The following ZC3H12B variants were observed in gnomAD, a reference collection of about 807,000 sequenced individuals.
ZC3H12B encodes probable ribonuclease ZC3H12B.
A neutral mutation model predicts 43.9 loss-of-function variants in ZC3H12B; 7 were observed. The ratio of observed to expected loss-of-function variants is 0.16; its 90% CI spans 0.09 to 0.30. The LOEUF (loss-of-function observed/expected upper bound fraction) is 0.30, where lower values mean the gene tolerates loss of function less well. Among genes scored for constraint, ZC3H12B ranks in the 10% least tolerant of loss-of-function variants. The pLI, the probability that ZC3H12B is intolerant of heterozygous loss-of-function variation, is 1.00. For synonymous variants in ZC3H12B, 222 were observed against 241.7 expected (o/e 0.92, Z 0.76); for missense variants, 475 against 670.2 (o/e 0.71, Z 3.22).
the ZC3H12B span, among the ~76,000 whole-genome samples, chrX:65,212,278 TATA>T: frequency 2.2e-5 from 1 of 44,672 alleles, no homozygotes; most frequent in South Asian, 1.2e-3. Context: ...TAATATATAA[TATA>T]ATTATAATAT....
chrX:65,239,829 G>T, the ZC3H12B span, among the ~76,000 whole-genome samples: 1 of 111,733 alleles, frequency 8.9e-6, no homozygotes, highest in African/African-American at 3.2e-5. Context: ...TCTCTCACTT[G>T]TGAAGCTTAG....
upstream of ZC3H12B, among the ~76,000 whole-genome samples, chrX:65,486,548 A>G (rs2068126673): frequency 8.9e-6 from 1 of 112,597 alleles, no homozygotes; most frequent in Non-Finnish European, 1.9e-5. Flanking sequence ...AGGAAAGATC[A>G]CCAACATTTT....
the ZC3H12B span, among the ~76,000 whole-genome samples, chrX:65,314,892 CTT>C: frequency 1.8e-5 from 2 of 110,745 alleles, no homozygotes; most frequent in African/African-American, 3.3e-5. Context: ...GGTAACAAGA[CTT>C]TTATATTTTT....
chrX:65,050,755 A>G, the ZC3H12B span, among the ~76,000 whole-genome samples: 2 of 111,624 alleles, frequency 1.8e-5, no homozygotes, highest in Non-Finnish European at 3.8e-5. Context: ...GCCATCCTGG[A>G]TTCACAAGGA....
chrX:65,116,713 C>T, the ZC3H12B span, among the ~76,000 whole-genome samples: 4 of 109,728 alleles, frequency 3.6e-5, no homozygotes, highest in Non-Finnish European at 3.8e-5. Flanking sequence ...TATCCTTCCC[C>T]CCTCCCCCCA....
chrX:65,255,041 A>G, the ZC3H12B span, among the ~76,000 whole-genome samples: 4 of 111,462 alleles, frequency 3.6e-5, no homozygotes, highest in Non-Finnish European at 5.7e-5. Flanking sequence ...AATAATAAAC[A>G]CCTCTGAGAA....
the ZC3H12B span, among the ~76,000 whole-genome samples, chrX:65,205,142 T>A: frequency 8.9e-6 from 1 of 112,269 alleles, no homozygotes; most frequent in African/African-American, 3.2e-5. Context: ...TTATAGAATC[T>A]TTGATTTCAC....
chrX:65,212,186 T>G, the ZC3H12B span, among the ~76,000 whole-genome samples: 2 of 49,424 alleles, frequency 4.0e-5, no homozygotes, highest in African/African-American at 1.7e-4. Flanking sequence ...ATATATTATA[T>G]ATTATATAAT....
chrX:65,203,078 G>A, the ZC3H12B span, among the ~76,000 whole-genome samples: 3 of 112,040 alleles, frequency 2.7e-5, no homozygotes, highest in African/African-American at 9.7e-5. Context: ...CAAGGCCCTA[G>A]TGCTCTTCAG....
chrX:65,244,727 CAAA>C, the ZC3H12B span, among the ~76,000 whole-genome samples: 3 of 20,391 alleles, frequency 1.5e-4, no homozygotes, highest in African/African-American at 2.0e-4. Context: ...AATACCTTGC[CAAA>C]AAAAAAAAAA....
the ZC3H12B span, among the ~76,000 whole-genome samples, chrX:65,201,019 GC>G: frequency 2.6e-4 from 29 of 111,734 alleles, no homozygotes; most frequent in South Asian, 7.5e-4. Flanking sequence ...TTGTATGTCT[GC>G]CAGGTTTTGG....
At chrX:65,338,778 A>G in the ZC3H12B span, among the ~76,000 whole-genome samples, 2 of 112,235 alleles carry the variant, frequency 1.8e-5, no homozygotes. Context: ...AATCATCTCA[A>G]TATATGCAGG....
chrX:65,348,195 C>T, the ZC3H12B span, among the ~76,000 whole-genome samples: 1 of 111,766 alleles, frequency 8.9e-6, no homozygotes, highest in African/African-American at 3.3e-5. Context: ...CAAGCCTGCA[C>T]GTTGTGCACT....
chrX:65,402,485 G>A (rs2066775302), intron 3 of ZC3H12B, among the ~76,000 whole-genome samples: 2 of 111,585 alleles, frequency 1.8e-5, no homozygotes, highest in South Asian at 7.6e-4. Context: ...CAGTAGCCAG[G>A]AAGTGGTTAC....
chrX:65,372,931 T>C lies in ZC3H12B; in HGVS notation n.295+3933T>C, dbSNP rs140541926. 6.5e-3 allele frequency among the ~76,000 whole-genome samples: 730 copies of C among 112,275 alleles called. 1 individual carries two copies. The highest frequency in any genetic ancestry group is 9.2e-3 in the Non-Finnish European group (491 of 53,167). On this transcript the variant is annotated intron_variant and non_coding_transcript_variant, in intron 2 of 5. Coordinates refer to the ZC3H12B transcript ENST00000617377. ...CAGTAGTAAAATACATAAAACTGAC[T>C]TTACAGTAAGAATTCAGAGAAGAGT...
At chrX:65,307,283 C>A in the ZC3H12B span, among the ~76,000 whole-genome samples, 2 of 111,500 alleles carry the variant, frequency 1.8e-5, no homozygotes, top group Non-Finnish European at 3.8e-5. Flanking sequence ...TACTATAACT[C>A]AAAAAGCAGA....
the ZC3H12B span, among the ~76,000 whole-genome samples, chrX:65,211,391 G>T: frequency 9.2e-6 from 1 of 108,333 alleles, no homozygotes; most frequent in Non-Finnish European, 1.9e-5. Context: ...AGAGTTCCTT[G>T]GTAATAATAA....
At chrX:65,489,513 G>A (rs1602526801) in intron 1 of ZC3H12B, 104 bp downstream of exon 6, 1 of 966,080 alleles carries the variant, frequency 1.0e-6, no homozygotes, top group Non-Finnish European at 1.4e-6. Context: ...GCTATTGACT[G>A]TGGCGTGTGT....
chrX:65,401,412 C>A (rs776270718), intron 3 of ZC3H12B, among the ~76,000 whole-genome samples: 5 of 112,019 alleles, frequency 4.5e-5, no homozygotes, highest in Admixed American at 1.9e-4. Flanking sequence ...GGGTAGTCAC[C>A]TAGCCTAGTG....
Sources: allele counts gnomAD v4.1 joint callset (sites outside exome capture counted in the v4.1 genomes callset), GRCh38; gene constraint gnomAD v4.1.1; transcripts MANE v1.5; gene names NCBI Gene and HGNC (gene_info 2026-07-23, HGNC 2026-07-21).